ZNF341: variants seen among roughly 807,000 people sequenced by gnomAD.
The protein encoded by ZNF341 is zinc finger protein 341.
A neutral mutation model predicts 87.7 loss-of-function variants in ZNF341; 52 were observed. The ratio of observed to expected loss-of-function variants is 0.59; its 90% confidence interval spans 0.47 to 0.75. The LOEUF (loss-of-function observed/expected upper bound fraction) is 0.75. Among genes scored for constraint, ZNF341 ranks in the 30% least tolerant of loss-of-function variants. The pLI, the probability that ZNF341 is intolerant of heterozygous loss-of-function variation, is 0.00. For synonymous variants in ZNF341, 459 were observed against 472.7 expected (o/e 0.97, Z 0.38); for missense variants, 977 against 1,145.9 (o/e 0.85, Z 2.13).
In ZNF341 at chr20:33,733,751, C is replaced by G. The variant is rs1347216862; in HGVS notation, c.31+1699C>G. On this transcript the variant is annotated intron_variant, in intron 1 of 14. Transcript: ENST00000375200. ...AGCCCTGTCTCCATCTAGTGGGGTT[C>G]CGATTCAAAGACTGACTGAGACAGA... 3.9e-5 allele frequency among the ~76,000 whole-genome samples: 6 copies of G among 152,274 alleles called. No individual in the cohort carries two copies. In the East Asian group the frequency reaches 1.2e-3, roughly 29 times the overall value.
At chr20:33,765,879 A>T (rs966371623) in intron 8 of ZNF341, among the ~76,000 whole-genome samples, 1 of 151,090 alleles carries the variant, frequency 6.6e-6, no homozygotes, top group Non-Finnish European at 1.5e-5. Context: ...GATGATTACA[A>T]TTTTTTTTGT....
At chr20:33,756,334 A>G (rs2019177369) in intron 5 of ZNF341, among the ~76,000 whole-genome samples, 1 of 150,836 alleles carries the variant, frequency 6.6e-6, no homozygotes, top group Non-Finnish European at 1.5e-5. Flanking sequence ...CTGGGGGAGC[A>G]CAGACCCCTC....
intron 1 of ZNF341, 94 bp from the exon 2 acceptor site, chr20:33,740,808 G>A (rs576575410): frequency 9.8e-6 from 11 of 1,124,896 alleles, no homozygotes; most frequent in South Asian, 6.8e-5. Context: ...GTACCCAGCC[G>A]CCACAGGGGT....
At chr20:33,744,434 A>T (rs1040732370) in intron 2 of ZNF341, among the ~76,000 whole-genome samples, 2 of 152,148 alleles carry the variant, frequency 1.3e-5, no homozygotes, top group Non-Finnish European at 2.9e-5. Flanking sequence ...GCATGGGAGG[A>T]GTATGATCAG....
At chr20:33,756,015 G>T (rs2019169197) in intron 5 of ZNF341, among the ~76,000 whole-genome samples, 1 of 151,998 alleles carries the variant, frequency 6.6e-6, no homozygotes, top group South Asian at 2.1e-4. Context: ...TTAAGCTCAG[G>T]AGTTTGAGTC....
intron 3 of ZNF341, among the ~76,000 whole-genome samples, chr20:33,748,244 G>A (rs1046554940): frequency 6.6e-6 from 1 of 151,764 alleles, no homozygotes; most frequent in African/African-American, 2.4e-5. Flanking sequence ...GCTACTTTTT[G>A]TATTTTTAGT....
intron 7 of ZNF341, among the ~76,000 whole-genome samples, chr20:33,759,435 C>T (rs1386557696): frequency 6.6e-6 from 1 of 152,152 alleles, no homozygotes; most frequent in East Asian, 1.9e-4. Flanking sequence ...CAGGCATGCG[C>T]CACCACGCCC....
At chr20:33,759,933 C>A (rs1040613882) in intron 7 of ZNF341, among the ~76,000 whole-genome samples, 1 of 152,164 alleles carries the variant, frequency 6.6e-6, no homozygotes, top group African/African-American at 2.4e-5. Flanking sequence ...ACCTGCACAT[C>A]GTGGAATGTT....
intron 10 of ZNF341, among the ~76,000 whole-genome samples, chr20:33,772,036 G>A (rs79864223): frequency 0.018 from 886 of 49,814 alleles, no homozygotes; most frequent in East Asian, 0.033. Context: ...AAAAAAAAAA[G>A]ATCTTCACGT....
At chr20:33,784,051 C>T (rs528521396) in intron 12 of ZNF341, among the ~76,000 whole-genome samples, 187 bp downstream of exon 12, 35 of 135,838 alleles carry the variant, frequency 2.6e-4, no homozygotes, top group African/African-American at 7.5e-4. Context: ...TCTCAGCCCC[C>T]GTCTCCCTCC....
chr20:33,761,118 C>T (rs1429300207), intron 7 of ZNF341, among the ~76,000 whole-genome samples: 1 of 151,734 alleles, frequency 6.6e-6, no homozygotes, highest in East Asian at 1.9e-4. Flanking sequence ...CCTCAGATTC[C>T]CAAAGTGCTA....
At chr20:33,746,352 G>A (rs1447236711) in intron 3 of ZNF341, among the ~76,000 whole-genome samples, 1 of 149,862 alleles carries the variant, frequency 6.7e-6, no homozygotes. Context: ...TCCTGCCTCA[G>A]CCTCCAGAGT....
chr20:33,783,804 G>T lies in ZNF341; in HGVS notation c.1792G>T (p.Val598Leu). ...HGSGGRFKCQVCKKFFRREHY... is the reference protein window; with the variant it reads ...HGSGGRFKCQLCKKFFRREHY... ...CAGCGGGGGCAGGTTCAAGTGCCAA[G>T]TGTGCAAGAAGTTCTTCCGGCGGGA... Residue 598 changes from valine to leucine, a missense_variant, in exon 12 of 15, where the codon GTG (valine) becomes TTG (leucine). Coordinates refer to ENST00000375200, the MANE Select transcript of ZNF341 (RefSeq NM_001282933.2). 1 of 1,613,786 alleles carries T rather than the reference G, an allele frequency of 6.2e-7. No individual in the cohort carries two copies. The highest frequency in any genetic ancestry group is 8.5e-7 in the Non-Finnish European group (1 of 1,179,856).
intron 9 of ZNF341, among the ~76,000 whole-genome samples, chr20:33,769,373 GGT>G (rs1239825191): frequency 3.8e-5 from 5 of 130,500 alleles, no homozygotes; most frequent in African/African-American, 1.7e-4. Flanking sequence ...AAGGGGTGGT[GGT>G]GGGGGGGGGG....
chr20:33,752,364 C>T (rs1433963311), intron 4 of ZNF341: 1 of 627,892 alleles, frequency 1.6e-6, no homozygotes, highest in African/African-American at 1.8e-5. Flanking sequence ...ATGCACACAT[C>T]TGGAGTTCCC....
chr20:33,785,734 G>T (rs6057907), intron 12 of ZNF341, among the ~76,000 whole-genome samples: 1 of 152,204 alleles, frequency 6.6e-6, no homozygotes, highest in Middle Eastern at 3.4e-3. Context: ...AACTGTTAGC[G>T]GTCTAGTCTG....
intron 14 of ZNF341, 108 bp from the exon 15 acceptor site, chr20:33,790,880 A>G (rs1387244745): frequency 1.5e-6 from 2 of 1,328,912 alleles, no homozygotes; most frequent in Non-Finnish European, 2.0e-6. Flanking sequence ...CTGGGGCCAG[A>G]TCACACAGGT....
At chr20:33,773,407 C>A (rs917227034) in intron 10 of ZNF341, among the ~76,000 whole-genome samples, 1 of 152,108 alleles carries the variant, frequency 6.6e-6, no homozygotes, top group Non-Finnish European at 1.5e-5. Flanking sequence ...AAAAGTAAGG[C>A]CCAATGAGCC....
intron 12 of ZNF341, among the ~76,000 whole-genome samples, chr20:33,785,082 A>G (rs1356696185): frequency 2.0e-5 from 3 of 152,132 alleles, no homozygotes; most frequent in African/African-American, 7.2e-5. Flanking sequence ...AAATTTTTTA[A>G]TTGCTTTTTA....
Sources: gnomAD v4.1 joint callset for allele counts (sites outside exome capture counted in the v4.1 genomes callset) on GRCh38, gnomAD v4.1.1 for gene constraint, MANE v1.5 for transcripts, NCBI Gene and HGNC (gene_info 2026-07-23, HGNC 2026-07-21) for gene names.